ITPR2: variants seen among roughly 807,000 people sequenced by gnomAD.
ITPR2 encodes the protein inositol 1,4,5-trisphosphate-gated calcium channel ITPR2.
ITPR2 carries 207 observed loss-of-function variants against 317.1 expected under a neutral mutation model. That is an observed-to-expected ratio of 0.65 (90% CI 0.58 to 0.73). The LOEUF (loss-of-function observed/expected upper bound fraction) is 0.73, where lower values mean the gene tolerates loss of function less well. Ranked by LOEUF, ITPR2 falls within the 30% of genes least tolerant of loss-of-function variation. The probability of loss-of-function intolerance (pLI) is 0.00; values close to 1 mark genes in which losing one functional copy is unlikely to be tolerated. For synonymous variants in ITPR2, 1,156 were observed against 1,149.1 expected, an observed-to-expected ratio of 1.01 and a Z score of -0.12; for missense variants, 2,613 against 3,284.0, an observed-to-expected ratio of 0.80 and a Z score of 4.99.
chr12:26,478,402 G>C (rs1265674425), intron 43 of ITPR2, among the ~76,000 whole-genome samples: 1 of 151,990 alleles, frequency 6.6e-6, no homozygotes, highest in Non-Finnish European at 1.5e-5. Context: ...AAGGTTCTAG[G>C]ATTAGTGGAG....
chr12:26,695,308 A>G (rs1948319846), intron 10 of ITPR2, among the ~76,000 whole-genome samples: 1 of 152,174 alleles, frequency 6.6e-6, no homozygotes, highest in African/African-American at 2.4e-5. Context: ...TTTCTTCTTT[A>G]CAGAAGAAAA....
At chr12:26,489,640 T>C (rs1340639115) in intron 39 of ITPR2, among the ~76,000 whole-genome samples, 1 of 152,218 alleles carries the variant, frequency 6.6e-6, no homozygotes, top group East Asian at 1.9e-4. Flanking sequence ...GTAGGTATAA[T>C]TTTCCTTATT....
intron 21 of ITPR2, among the ~76,000 whole-genome samples, chr12:26,642,933 GCC>G (rs912181926): frequency 6.6e-5 from 10 of 152,020 alleles, no homozygotes; most frequent in African/African-American, 1.9e-4. Context: ...TCAACTGCCA[GCC>G]CCTGTGTTTG....
chr12:26,717,133 G>T (rs1260776984), intron 5 of ITPR2, among the ~76,000 whole-genome samples: 1 of 152,000 alleles, frequency 6.6e-6, no homozygotes, highest in Non-Finnish European at 1.5e-5. Context: ...TTAAAGAATT[G>T]ATCACTGTCT....
intron 22 of ITPR2, chr12:26,630,458 G>C (rs1161050468): frequency 6.6e-6 from 1 of 150,426 alleles, no homozygotes; most frequent in Non-Finnish European, 1.5e-5. Flanking sequence ...AAAAAAAAAA[G>C]AAGACCCAGG....
At chr12:26,740,606 ACT>A (rs549471367) in intron 2 of ITPR2, among the ~76,000 whole-genome samples, 74 of 152,260 alleles carry the variant, frequency 4.9e-4, no homozygotes, top group Non-Finnish European at 9.3e-4. Flanking sequence ...TTCAATAAAA[ACT>A]CAAGGAAGAT....
At chr12:26,669,794 T>C (rs1414858319) in intron 13 of ITPR2, among the ~76,000 whole-genome samples, 1 of 152,192 alleles carries the variant, frequency 6.6e-6, no homozygotes, top group Non-Finnish European at 1.5e-5. Flanking sequence ...CCTTTCCTAG[T>C]CAAAGAAAGA....
rs778875857 is a variant in ITPR2 at position 26,336,164 on chromosome 12, A to T, written c.*3233T>A. ...TATTTACCCCTCCTTTTCTCTAATG[A>T]TAGAGTACTGGGAAGCAGAAATCCC... On this transcript the variant is annotated 3_prime_UTR_variant, in exon 57 of 57. Transcript: ENST00000381340. Among the ~76,000 whole-genome samples, 3 of 152,048 alleles carry T rather than the reference A, an allele frequency of 2.0e-5. No homozygotes were observed.
chr12:26,556,235 C>T lies in ITPR2; in HGVS notation c.4962G>A (p.Ser1654=), dbSNP rs191789657. The change falls in exon 36 of 57, where the codon TCG becomes TCA. Residue 1654 remains serine (S), a splice_region_variant and synonymous_variant. Transcript: ENST00000381340. ...AATCTCAGATTGGATCCACTTACTTCGACATGAAAGCGCCACATCTTATTC... is the reference window on the plus strand; with the variant it reads ...AATCTCAGATTGGATCCACTTACTTTGACATGAAAGCGCCACATCTTATTC... ...DARIRCGAFM[S]KLINHTKKLM... 4.7e-3 allele frequency: 7,642 copies of T among 1,613,252 alleles called. 22 individuals carry two copies. Among genetic ancestry groups the T allele is most frequent in the Non-Finnish European group, 5.4e-3 (6,387 of 1,179,662 alleles).
intron 32 of ITPR2, among the ~76,000 whole-genome samples, chr12:26,583,207 C>T (rs1170998537): frequency 6.6e-6 from 1 of 152,076 alleles, no homozygotes; most frequent in Admixed American, 6.6e-5. Flanking sequence ...TTTAATTATA[C>T]CTAAAAGTTA....
At chr12:26,568,787 A>C (rs1160170566) in intron 34 of ITPR2, among the ~76,000 whole-genome samples, 5 of 152,186 alleles carry the variant, frequency 3.3e-5, no homozygotes, top group Non-Finnish European at 7.4e-5. Context: ...GGGACAGAGA[A>C]TGGCACATTT....
chr12:26,591,662 T>C (rs1945708989), intron 32 of ITPR2, among the ~76,000 whole-genome samples: 1 of 151,320 alleles, frequency 6.6e-6, no homozygotes. Context: ...AAACCCCATC[T>C]CTACTAAAAA....
intron 54 of ITPR2, among the ~76,000 whole-genome samples, chr12:26,390,096 C>T (rs1165213157): frequency 6.6e-6 from 1 of 152,094 alleles, no homozygotes; most frequent in Non-Finnish European, 1.5e-5. Context: ...ATAACCAAAA[C>T]CAGATAATAA....
At chr12:26,604,521 G>A (rs1015325768) in intron 26 of ITPR2, among the ~76,000 whole-genome samples, 2 of 152,086 alleles carry the variant, frequency 1.3e-5, no homozygotes, top group African/African-American at 4.8e-5. Flanking sequence ...TAAAACAGCA[G>A]TTTCTACCCT....
chr12:26,686,839 G>A (rs959421345), intron 10 of ITPR2, among the ~76,000 whole-genome samples: 4 of 152,118 alleles, frequency 2.6e-5, no homozygotes, highest in Non-Finnish European at 5.9e-5. Context: ...CTCCTAGGGC[G>A]GGGTGGCTTG....
At chr12:26,611,742 C>T (rs1340394717) in intron 26 of ITPR2, among the ~76,000 whole-genome samples, 1 of 152,200 alleles carries the variant, frequency 6.6e-6, no homozygotes, top group Non-Finnish European at 1.5e-5. Context: ...TGACCTGCAT[C>T]TCAACCCTAA....
At chr12:26,674,029 C>T (rs1216205487) in intron 13 of ITPR2, among the ~76,000 whole-genome samples, 6 of 139,774 alleles carry the variant, frequency 4.3e-5, no homozygotes, top group Non-Finnish European at 6.2e-5. Context: ...CAAACCACTG[C>T]TCAATGAAAT....
chr12:26,672,373 A>C (rs1284432017), intron 13 of ITPR2, among the ~76,000 whole-genome samples: 3 of 152,264 alleles, frequency 2.0e-5, no homozygotes, highest in Non-Finnish European at 4.4e-5. Flanking sequence ...GTGCAATCGA[A>C]CTAGAACTCA....
chr12:26,566,117 G>A (rs1363328631), intron 34 of ITPR2, among the ~76,000 whole-genome samples: 1 of 132,008 alleles, frequency 7.6e-6, no homozygotes, highest in Non-Finnish European at 1.6e-5. Flanking sequence ...AAAGGAGAAG[G>A]AGAGGAGGAG....
Sources: gnomAD v4.1 joint callset for allele counts (sites outside exome capture counted in the v4.1 genomes callset) on GRCh38, gnomAD v4.1.1 for gene constraint, MANE v1.5 for transcripts, NCBI Gene and HGNC (gene_info 2026-07-23, HGNC 2026-07-21) for gene names.